The following ZFP14 variants were observed in gnomAD, a reference collection of about 807,000 sequenced individuals.
The protein encoded by ZFP14 is ZFP14 zinc finger protein, also known as zinc finger protein 14 homolog.
Under a neutral mutation model 54.5 loss-of-function variants are expected in ZFP14, and 22 were observed. The observed-to-expected ratio is 0.40, with a 90% CI of 0.29 to 0.58. The LOEUF is 0.58. Among genes scored for constraint, ZFP14 ranks in the 20% least tolerant of loss-of-function variants. The pLI, the probability that ZFP14 is intolerant of heterozygous loss-of-function variation, is 0.39. For missense variants in ZFP14, 470 were observed against 637.8 expected, an observed-to-expected ratio of 0.74 and a Z score of 2.83; for synonymous variants, 159 against 204.0, an observed-to-expected ratio of 0.78 and a Z score of 1.88.
chr19:36,367,487 T>G (rs931431757), intron 2 of ZFP14, among the ~76,000 whole-genome samples: 1 of 151,998 alleles, frequency 6.6e-6, no homozygotes, highest in African/African-American at 2.4e-5. Flanking sequence ...TGGAGTAGGT[T>G]CTTTTTTTTT....
chr19:36,374,821 A>G lies in ZFP14; in HGVS notation c.-80+4342T>C, dbSNP rs575830123. 3.9e-5 allele frequency among the ~76,000 whole-genome samples: 6 copies of G among 152,328 alleles called. No homozygotes were observed. In the South Asian group the frequency reaches 1.2e-3, roughly 32 times the overall value. Reference sequence around the variant, plus strand: ...CAACACGCACCACCACATTAAACAGAGTGTGAGCCTGAAATACCCAAATAC... The same window carrying G: ...CAACACGCACCACCACATTAAACAGGGTGTGAGCCTGAAATACCCAAATAC... On this transcript the variant is annotated intron_variant, in intron 1 of 4. Transcript: ENST00000270001.
intron 4 of ZFP14, among the ~76,000 whole-genome samples, chr19:36,346,278 AAAAC>A (rs1414879854): frequency 2.0e-5 from 3 of 152,166 alleles, no homozygotes; most frequent in South Asian, 4.1e-4. Flanking sequence ...AACCTGTCTC[AAAAC>A]AAACAAAAAA....
chr19:36,360,564 A>T (rs777625348), intron 3 of ZFP14, 31 bp from the exon 4 acceptor site: 1 of 1,577,500 alleles, frequency 6.3e-7, no homozygotes, highest in South Asian at 1.2e-5. Context: ...ACATGGAATT[A>T]TACACCAGAA....
chr19:36,371,797 A>C (rs2145563474), intron 1 of ZFP14, among the ~76,000 whole-genome samples: 1 of 152,138 alleles, frequency 6.6e-6, no homozygotes, highest in Non-Finnish European at 1.5e-5. Context: ...TCTACAAATA[A>C]TTTTTTAAAA....
At chr19:36,374,461 G>A (rs1463739995) in intron 1 of ZFP14, among the ~76,000 whole-genome samples, 1 of 146,106 alleles carries the variant, frequency 6.8e-6, no homozygotes, top group Non-Finnish European at 1.5e-5. Flanking sequence ...TTGCACTCCA[G>A]CCTGGGTGAC....
At chr19:36,357,935 G>C (rs923603324) in intron 4 of ZFP14, among the ~76,000 whole-genome samples, 1 of 151,652 alleles carries the variant, frequency 6.6e-6, no homozygotes, top group Non-Finnish European at 1.5e-5. Flanking sequence ...TAGAGATAGG[G>C]TTTTACCATG....
intron 2 of ZFP14, among the ~76,000 whole-genome samples, chr19:36,364,086 C>T (rs2031754592): frequency 6.6e-6 from 1 of 152,268 alleles, no homozygotes; most frequent in East Asian, 1.9e-4. Context: ...TCCTGGCATT[C>T]TTCTCCGCAG....
In ZFP14 at chr19:36,341,309, C is replaced by G. The variant is rs200476359; in HGVS notation, c.517G>C (p.Glu173Gln). 7.7e-5 allele frequency: 124 copies of G among 1,614,218 alleles called. No homozygotes were observed. The South Asian group carries it at 1.4e-3, about 18-fold the overall frequency. The stretch of plus-strand genomic sequence containing the variant: ...AAGGTCTTCCTACACTCCTTACACT[C>G]ATACACCTTTTCTCCATTATGAACG... ...QIVHNGEKVY[E>Q]CKECRKTFIR... Residue 173 changes from glutamate to glutamine, a missense_variant, in exon 5 of 5, where the codon GAG becomes CAG. Transcript: ENST00000270001. This position sits in a 1 kb window ranked among gnomAD's most constrained non-coding sequence, Gnocchi z 4.2.
At position 36,335,712 on chromosome 19, in the gene ZFP14, G is replaced by A. The variant is rs371767142; in HGVS notation, c.*4512C>T. The A allele has an allele frequency of 2.0e-4, 31 of 152,200 alleles. No individual in the cohort carries two copies. In the East Asian group the frequency reaches 5.6e-3, roughly 27 times the overall value. The allele number at this position is 152,200 out of a possible 1,614,324, so 9.4% of individuals were successfully genotyped here. On this transcript the variant is annotated 3_prime_UTR_variant, in exon 5 of 5. Coordinates refer to ENST00000270001, the MANE Select transcript of ZFP14 (RefSeq NM_020917.3). ...GGAATGAATATACACGTTTGTGCAT[G>A]TGTGCATGTATAGTTTTACCATATT...
At chr19:36,365,739 A>C (rs2031784045) in intron 2 of ZFP14, among the ~76,000 whole-genome samples, 1 of 152,138 alleles carries the variant, frequency 6.6e-6, no homozygotes, top group Non-Finnish European at 1.5e-5. Context: ...TGGGAGAATC[A>C]CTTGAGCCCA....
Position 36,356,008 on chromosome 19 carries a change from A to C in ZFP14, c.235+4427T>G, listed in dbSNP as rs752746920. Among the ~76,000 whole-genome samples the C allele has an allele frequency of 2.7e-4, 39 of 142,876 alleles. 6 individuals are homozygous for C. The highest frequency in any genetic ancestry group is 4.8e-4 in the Non-Finnish European group (31 of 64,386). The allele number at this position is 142,876 out of a possible 152,430, so 93.7% of individuals were successfully genotyped here. A position where few individuals can be genotyped will look rare whatever the true frequency, so the allele number is the denominator to read the frequency against. ...CCATTCCCCTCAACAGCATCCTTAA[A>C]ATTTTTTTTATTTTAAAATAATTAT... is the stretch of plus-strand genomic sequence containing the variant. On this transcript the variant is annotated intron_variant, in intron 4 of 4. Transcript: ENST00000270001.
At chr19:36,349,209 C>T (rs2031471539) in intron 4 of ZFP14, among the ~76,000 whole-genome samples, 1 of 80,158 alleles carries the variant, frequency 1.2e-5, no homozygotes. Flanking sequence ...CCAGCCTGGG[C>T]TATAAGAGGG....
At chr19:36,348,772 T>C (rs567336019) in intron 4 of ZFP14, among the ~76,000 whole-genome samples, 1 of 152,188 alleles carries the variant, frequency 6.6e-6, no homozygotes, top group African/African-American at 2.4e-5. Context: ...GGACCTCCTG[T>C]AGGAAGTGCT....
intron 2 of ZFP14, among the ~76,000 whole-genome samples, chr19:36,367,113 C>T (rs985658793): frequency 1.3e-5 from 2 of 151,168 alleles, no homozygotes; most frequent in Non-Finnish European, 2.9e-5. Flanking sequence ...GAGATCATGC[C>T]ACTGCACTCC....
Position 36,340,874 on chromosome 19 carries a change from CACATTCCTT to C in ZFP14, c.943_951del (p.Lys315_Cys317del). On this transcript the variant is annotated inframe_deletion, in exon 5 of 5. Transcript: ENST00000270001. This position sits in a 1 kb window ranked among gnomAD's most constrained non-coding sequence, Gnocchi z 5.4. ...TCTGGACCACATACGAAGGCTTTCC[CACATTCCTT>C]ACATTCATAGAGCTTTTCAGCAGTA... is the stretch of plus-strand genomic sequence containing the variant. 2 of 1,613,914 alleles carry C rather than the reference CACATTCCTT, an allele frequency of 1.2e-6. No homozygotes were observed. The highest frequency in any genetic ancestry group is 1.7e-6 in the Non-Finnish European group (2 of 1,180,004).
At chr19:36,373,477 C>A (rs968307146) in intron 1 of ZFP14, among the ~76,000 whole-genome samples, 2 of 151,892 alleles carry the variant, frequency 1.3e-5, no homozygotes, top group African/African-American at 4.8e-5. Context: ...ATCTATTATA[C>A]AACATGGTGA....
chr19:36,353,437 A>G (rs985859907), intron 4 of ZFP14, among the ~76,000 whole-genome samples: 1 of 142,694 alleles, frequency 7.0e-6, no homozygotes. Flanking sequence ...GTGGTGGCTC[A>G]CGCCTGTAAT....
At chr19:36,375,651 G>A (rs1351310864) in intron 1 of ZFP14, among the ~76,000 whole-genome samples, 7 of 151,194 alleles carry the variant, frequency 4.6e-5, no homozygotes, top group Admixed American at 2.6e-4. Flanking sequence ...TCCGCCTCCC[G>A]GGTTCACGCC....
At chr19:36,357,020 T>C (rs1270040290) in intron 4 of ZFP14, among the ~76,000 whole-genome samples, 1 of 152,114 alleles carries the variant, frequency 6.6e-6, no homozygotes, top group African/African-American at 2.4e-5. Context: ...GTTTTCAATT[T>C]GGATAAAGTC....
Sources: allele counts gnomAD v4.1 joint callset (sites outside exome capture counted in the v4.1 genomes callset), GRCh38; gene constraint gnomAD v4.1.1; non-coding constraint Gnocchi (gnomAD v3.1); transcripts MANE v1.5; gene names NCBI Gene and HGNC (gene_info 2026-07-23, HGNC 2026-07-21).